The following NBPF10 variants were observed in gnomAD, a reference collection of about 807,000 sequenced individuals.
The protein encoded by NBPF10 is NBPF member 10.
Under a neutral mutation model 77.9 loss-of-function variants are expected in NBPF10, and 63 were observed. That is an observed-to-expected ratio of 0.81 (90% confidence interval 0.66 to 1.00). NBPF10 has a LOEUF of 1.00. NBPF10 is among the 50% of genes least tolerant of loss of function. The pLI is 0.00. For missense variants in NBPF10, 522 were observed against 679.8 expected (o/e 0.77, Z 2.58); for synonymous variants, 146 against 264.5 (o/e 0.55, Z 4.35).
intron 14 of NBPF10, 35 bp downstream of exon 14, chr1:146,126,201 G>C (rs587700692): frequency 1.6e-6 from 2 of 1,247,236 alleles, no homozygotes; most frequent in South Asian, 2.4e-5. Context: ...AGAAGACTCA[G>C]TGGATCCTTA....
intron 5 of NBPF10, among the ~76,000 whole-genome samples, chr1:146,139,302 G>C (rs587706534): frequency 2.6e-5 from 4 of 151,696 alleles, no homozygotes; most frequent in Non-Finnish European, 5.9e-5. Flanking sequence ...GTAAAGACGG[G>C]GTTTCACCGT....
intron 2 of NBPF10, 133 bp from the exon 3 acceptor site, chr1:146,141,951 A>G: frequency 2.8e-6 from 2 of 720,894 alleles, no homozygotes; most frequent in Non-Finnish European, 4.9e-6. Context: ...GTTGAAAGGA[A>G]TGACTGTGGC....
At chr1:146,126,655 G>T (rs868976620) in intron 13 of NBPF10, among the ~76,000 whole-genome samples, 2 of 141,816 alleles carry the variant, frequency 1.4e-5, no homozygotes, top group South Asian at 2.3e-4. Context: ...CAGTCAATTG[G>T]TCAGGTGACA....
intron 14 of NBPF10, among the ~76,000 whole-genome samples, chr1:146,125,719 C>G (rs1368609978): frequency 2.2e-5 from 3 of 133,602 alleles, no homozygotes; most frequent in Admixed American, 7.6e-5. Context: ...GTAAAATTCC[C>G]TATTCTGGTA....
At chr1:146,076,254 C>A (rs1302641870) in intron 77 of NBPF10, among the ~76,000 whole-genome samples, 2 of 10,870 alleles carry the variant, frequency 1.8e-4, no homozygotes, top group Admixed American at 3.6e-3. Flanking sequence ...CACACACACA[C>A]ACACACACAC....
intron 2 of NBPF10, among the ~76,000 whole-genome samples, 200 bp from the exon 3 acceptor site, chr1:146,142,018 G>A (rs1660357405): frequency 7.9e-6 from 1 of 126,534 alleles, no homozygotes; most frequent in Non-Finnish European, 1.8e-5. Context: ...GAGGGCTCCT[G>A]CAAGATCCTC....
intron 7 of NBPF10, 36 bp downstream of exon 7, chr1:146,136,317 C>T (rs1659696468): frequency 5.7e-6 from 5 of 883,872 alleles, no homozygotes; most frequent in Non-Finnish European, 9.0e-6. Flanking sequence ...GATTTACACA[C>T]CTGCGCCCCT....
chr1:146,073,165 G>T (rs1282304972), intron 81 of NBPF10, among the ~76,000 whole-genome samples: 1 of 63,806 alleles, frequency 1.6e-5, no homozygotes, highest in Non-Finnish European at 2.8e-5. Flanking sequence ...TGATGAAGGG[G>T]TCAAAGGACA....
Position 146,067,100 on chromosome 1 carries a change from C to G in NBPF10, c.11144+80G>C, listed in dbSNP as rs1384070618. The stretch of plus-strand genomic sequence containing the variant: ...TCAGCCTTCGTTGAAAACATGTCAT[C>G]AAACACACTCTGGTTTCCCTGAATC... On this transcript the variant is annotated intron_variant, in intron 89 of 89. Transcript: ENST00000583866. 1.3e-5 allele frequency: 8 copies of G among 622,846 alleles called. 1 individual carries two copies. The highest frequency in any genetic ancestry group is 2.4e-5 in the Non-Finnish European group (8 of 340,188). 38.6% of individuals were successfully genotyped at this position (622,846 alleles called of 1,614,324 possible).
At position 146,140,383 on chromosome 1, in the gene NBPF10, A is replaced by G. The variant is rs75958578; in HGVS notation, c.566+101T>C. 29 of 882,878 alleles carry G rather than the reference A, an allele frequency of 3.3e-5. 5 individuals carry two copies. The highest frequency in any genetic ancestry group is 7.9e-5 in the African/African-American group (5 of 62,904). The allele number at this position is 882,878 out of a possible 1,614,324, so 54.7% of individuals were successfully genotyped here. ...CAATTTCACATACTGTGGCCAAGGGAATGCGGGCATTTGGCCCATCATAGA... is the reference window on the plus strand; with the variant it reads ...CAATTTCACATACTGTGGCCAAGGGGATGCGGGCATTTGGCCCATCATAGA... On this transcript the variant is annotated intron_variant, in intron 4 of 89. Coordinates refer to ENST00000583866, the Ensembl canonical transcript of NBPF10.
At chr1:146,126,630 C>CAT in intron 13 of NBPF10, among the ~76,000 whole-genome samples, 1 of 122,558 alleles carries the variant, frequency 8.2e-6, no homozygotes, top group Middle Eastern at 4.0e-3. Context: ...CACACACACA[C>CAT]ACACAGAGCG....
chr1:146,125,944 A>G (rs1658561899), intron 14 of NBPF10, among the ~76,000 whole-genome samples: 1 of 151,662 alleles, frequency 6.6e-6, no homozygotes, highest in African/African-American at 2.4e-5. Flanking sequence ...TACAAAATTT[A>G]GACAAAATCA....
Position 146,134,181 on chromosome 1 carries a change from A to G in NBPF10, c.1379+12T>C, listed in dbSNP as rs1553793981. 1 of 1,394,740 alleles carries G rather than the reference A, an allele frequency of 7.2e-7. No individual in the cohort carries two copies. The highest frequency in any genetic ancestry group is 2.4e-4 in the Middle Eastern group (1 of 4,190). 86.4% of individuals were successfully genotyped at this position (1,394,740 alleles called of 1,614,324 possible). On this transcript the variant is annotated intron_variant, in intron 9 of 89. Transcript: ENST00000583866. Reference sequence around the variant, plus strand: ...TACCATCCATTAATTGTTCCTGAGTATTCAGTGTTACCTGGGGGCAGATGA... The same window carrying G: ...TACCATCCATTAATTGTTCCTGAGTGTTCAGTGTTACCTGGGGGCAGATGA...
At chr1:146,141,985 C>A (rs1553797547) in intron 2 of NBPF10, among the ~76,000 whole-genome samples, 167 bp from the exon 3 acceptor site, 1 of 126,460 alleles carries the variant, frequency 7.9e-6, no homozygotes, top group Non-Finnish European at 1.8e-5. Context: ...AGAAAATGGT[C>A]TACAGGCTTT....
At chr1:146,126,311 C>G (rs782081627) in exon 14 of NBPF10, 1 of 1,466,088 alleles carries the variant, frequency 6.8e-7, no homozygotes, top group South Asian at 1.1e-5. Flanking sequence ...TGGCATGAGT[C>G]AGTCAGTTCA....
chr1:146,142,771 G>A lies in NBPF10; in HGVS notation c.176-19C>T, dbSNP rs201725581. On this transcript the variant is annotated intron_variant, in intron 1 of 89. Transcript: ENST00000583866. ...TCATACTCTGAAAAAAGACAGACAC[G>A]CCTGCCTCAGTGGAAGGCTGGACAT... is the stretch of plus-strand genomic sequence containing the variant. 290 of 1,323,310 alleles carry A rather than the reference G, an allele frequency of 2.2e-4. 37 individuals carry two copies. The highest frequency in any genetic ancestry group is 1.5e-3 in the Middle Eastern group (6 of 3,942). 82.0% of individuals were successfully genotyped at this position (1,323,310 alleles called of 1,614,324 possible).
chr1:146,125,886 A>C (rs1553789666), intron 14 of NBPF10, among the ~76,000 whole-genome samples: 1 of 151,318 alleles, frequency 6.6e-6, no homozygotes, highest in Non-Finnish European at 1.5e-5. Context: ...CATGGTAGCG[A>C]GGATTTTAGA....
intron 71 of NBPF10, among the ~76,000 whole-genome samples, chr1:146,081,030 CAGAG>C (rs1174335533): frequency 3.8e-3 from 136 of 35,370 alleles, no homozygotes; most frequent in African/African-American, 7.6e-3. Flanking sequence ...CACACACACA[CAGAG>C]AGAGAGAGAG....
chr1:146,138,713 C>T (rs200548189), intron 5 of NBPF10, among the ~76,000 whole-genome samples: 2 of 100,942 alleles, frequency 2.0e-5, no homozygotes, highest in Non-Finnish European at 4.5e-5. Context: ...GAGATTTTTA[C>T]CCCATGAGTG....
Sources: gnomAD v4.1 joint callset for allele counts (sites outside exome capture counted in the v4.1 genomes callset) on GRCh38, gnomAD v4.1.1 for gene constraint, MANE v1.5 for transcripts, NCBI Gene and HGNC (gene_info 2026-07-23, HGNC 2026-07-21) for gene names.